Variants in PNPLA7 observed in about 807,000 individuals in gnomAD.
PNPLA7 encodes the protein patatin like domain 7, lysophospholipase, also known as patatin-like phospholipase domain-containing protein 7.
PNPLA7 carries 153 observed loss-of-function variants against 161.7 expected under a neutral mutation model. The ratio of observed to expected loss-of-function variants is 0.95; its 90% CI spans 0.83 to 1.08. The LOEUF (loss-of-function observed/expected upper bound fraction) is 1.08. Among genes scored for constraint, PNPLA7 ranks in the 50% least tolerant of loss-of-function variants. PNPLA7 has a pLI of 0.00. For synonymous variants in PNPLA7, 809 were observed against 782.1 expected (o/e 1.03, Z -0.57); for missense variants, 1,739 against 1,856.6 (o/e 0.94, Z 1.16).
rs921842878 is a variant in PNPLA7, at chr9:137,537,807, T to C, written c.747+2835A>G. Among the ~76,000 whole-genome samples, 6 of 151,052 alleles carry C rather than the reference T, an allele frequency of 4.0e-5. No homozygotes were observed. The highest frequency in any genetic ancestry group is 3.3e-4 in the Admixed American group (5 of 15,180). ...TGTGATAAGTGAGGCCCAACCTGAA[T>C]ATCACAACAAGATCAAGATCAGAAA... On this transcript the variant is annotated intron_variant, in intron 8 of 34. Transcript: ENST00000406427. The surrounding 1 kb of genome is among the most constrained non-coding windows in gnomAD (Gnocchi z 4.5).
chr9:137,530,130 A>G (rs1835512631), intron 8 of PNPLA7, among the ~76,000 whole-genome samples: 1 of 151,344 alleles, frequency 6.6e-6, no homozygotes, highest in Non-Finnish European at 1.5e-5. Context: ...ACACCCAGCT[A>G]ATTTTTTTGT....
At position 137,486,659 on chromosome 9, in the gene PNPLA7, C is replaced by T. The variant is rs7849995; in HGVS notation, c.2198-1923G>A. ...ACCCGACCCACCAAAGCTCAGTCCC[C>T]GCCCTCAGTCCAACTCAGCACCGGG... On this transcript the variant is annotated intron_variant, in intron 20 of 34. Transcript: ENST00000406427. The surrounding 1 kb of genome is among the most constrained non-coding windows in gnomAD (Gnocchi z 6.0). Among the ~76,000 whole-genome samples, 2,722 of 152,218 alleles carry T rather than the reference C, an allele frequency of 0.018. 88 individuals are homozygous for T. The highest frequency in any genetic ancestry group is 0.062 in the African/African-American group (2,584 of 41,518).
chr9:137,494,638 A>ACCCTCACCTGCTCCGCG (rs1454657500), intron 19 of PNPLA7, among the ~76,000 whole-genome samples: 47 of 107,610 alleles, frequency 4.4e-4, no homozygotes, highest in Non-Finnish European at 6.9e-4. Flanking sequence ...TCCACTCCGC[A>ACCCTCACCTGCTCCGCG]CCCTCACCTG....
intron 14 of PNPLA7, 82 bp downstream of exon 14, chr9:137,505,532 G>A (rs1453292725): frequency 1.0e-5 from 16 of 1,533,468 alleles, no homozygotes; most frequent in South Asian, 2.4e-5. Context: ...CTCCACACCT[G>A]GAACCACTGC....
At chr9:137,501,406 G>A (rs1833407107) in intron 15 of PNPLA7, among the ~76,000 whole-genome samples, 1 of 152,210 alleles carries the variant, frequency 6.6e-6, no homozygotes, top group South Asian at 2.1e-4. Flanking sequence ...CAATCTGCTT[G>A]CCCGGCCCAC....
At chr9:137,509,750 G>A (rs1210440044) in intron 12 of PNPLA7, 1 of 455,800 alleles carries the variant, frequency 2.2e-6, no homozygotes, top group Non-Finnish European at 4.4e-6. Context: ...AGGCTGAGGA[G>A]TAGACGCTGG....
rs758823328 is a variant in PNPLA7 at position 137,500,922 on chromosome 9, C to A, written c.1552-26G>T. The A allele has an allele frequency of 6.5e-7, 1 of 1,541,514 alleles. No homozygotes were observed. Among genetic ancestry groups the A allele is most frequent in the Non-Finnish European group, 8.7e-7 (1 of 1,147,262 alleles). On this transcript the variant is annotated intron_variant, in intron 15 of 34. Coordinates refer to ENST00000406427, the MANE Select transcript of PNPLA7 (RefSeq NM_001098537.3). The surrounding 1 kb of genome is among the most constrained non-coding windows in gnomAD (Gnocchi z 5.5). Reference sequence around the variant, plus strand: ...CTGACACACGAGAGGGCTCAGGAGGCGCCGCGAGTGGCCGCGGGCAGGACG... The same window carrying A: ...CTGACACACGAGAGGGCTCAGGAGGAGCCGCGAGTGGCCGCGGGCAGGACG...
rs1193305913 is a variant in PNPLA7 at position 137,523,885 on chromosome 9, C to G, written c.748-1028G>C. Among the ~76,000 whole-genome samples the G allele has an allele frequency of 6.6e-6, 1 of 152,176 alleles. No individual in the cohort carries two copies. Among genetic ancestry groups the G allele is most frequent in the African/African-American group, 2.4e-5 (1 of 41,444 alleles). ...GACCTCGTGATCCGCCCACCTCGGC[C>G]TCCCAAAGTGCTGGGATTACCGGCG... On this transcript the variant is annotated intron_variant, in intron 8 of 34. Transcript: ENST00000406427. This position sits in a 1 kb window ranked among gnomAD's most constrained non-coding sequence, Gnocchi z 4.4.
intron 12 of PNPLA7, among the ~76,000 whole-genome samples, chr9:137,506,358 A>C (rs374084812): frequency 6.6e-6 from 1 of 152,180 alleles, no homozygotes; most frequent in Non-Finnish European, 1.5e-5. Flanking sequence ...TCGGTACCTA[A>C]AACACGGAAG....
chr9:137,478,389 G>C (rs1438220712), intron 24 of PNPLA7: 1 of 376,384 alleles, frequency 2.7e-6, no homozygotes, highest in East Asian at 3.8e-5. Context: ...ACGTGGGCAA[G>C]AGAGTGGGCC....
At position 137,468,859 on chromosome 9, in the gene PNPLA7, G is replaced by A. The variant is rs1343122981; in HGVS notation, c.2883-1386C>T. On this transcript the variant is annotated intron_variant, in intron 25 of 34. Coordinates refer to ENST00000406427, the MANE Select transcript of PNPLA7 (RefSeq NM_001098537.3). The surrounding 1 kb of genome is among the most constrained non-coding windows in gnomAD (Gnocchi z 4.0). The stretch of plus-strand genomic sequence containing the variant: ...ATACTTAATTGGATACTCAAAAATG[G>A]TTAAGTGGTAAATTTTATGTTATGT... 6.6e-6 allele frequency among the ~76,000 whole-genome samples: 1 copy of A among 151,934 alleles called. No individual in the cohort carries two copies. Among genetic ancestry groups the A allele is most frequent in the African/African-American group, 2.4e-5 (1 of 41,338 alleles).
intron 29 of PNPLA7, 164 bp from the exon 30 acceptor site, chr9:137,462,997 C>A: frequency 1.1e-6 from 1 of 946,566 alleles, no homozygotes; most frequent in Middle Eastern, 3.0e-4. Flanking sequence ...CGATGGGCAG[C>A]TGTGGGCACA....
chr9:137,460,144 TTCACAGAGCTTCAGGGGCC>T lies in PNPLA7; in HGVS notation c.*230_*248del, dbSNP rs1249972174. On this transcript the variant is annotated 3_prime_UTR_variant, in exon 35 of 35. Coordinates refer to ENST00000406427, the MANE Select transcript of PNPLA7 (RefSeq NM_001098537.3). ...GGGGGCCTCACAGGGCTGCAGGGGG[TTCACAGAGCTTCAGGGGCC>T]TCACAGAGCTTCAGGGGCCTCACAG... 366 of 405,444 alleles carry T rather than the reference TTCACAGAGCTTCAGGGGCC, an allele frequency of 9.0e-4. 1 individual carries two copies. Among genetic ancestry groups the T allele is most frequent in the East Asian group, 3.9e-3 (87 of 22,506 alleles). 25.1% of individuals were successfully genotyped at this position (405,444 alleles called of 1,614,324 possible).
chr9:137,461,886 G>C, intron 32 of PNPLA7, 45 bp downstream of exon 32: 1 of 1,454,150 alleles, frequency 6.9e-7, no homozygotes, highest in Non-Finnish European at 9.2e-7. Flanking sequence ...CGAAGAACTG[G>C]GCGCGGTCCG....
chr9:137,502,803 C>A (rs958501374), intron 14 of PNPLA7, among the ~76,000 whole-genome samples: 10 of 112,748 alleles, frequency 8.9e-5, no homozygotes, highest in African/African-American at 3.5e-4. Flanking sequence ...GCACTGAACG[C>A]ACGGCTGAAG....
intron 14 of PNPLA7, among the ~76,000 whole-genome samples, chr9:137,503,935 GAAGAAGGAAGAAT>G (rs1833730613): frequency 2.0e-4 from 7 of 35,188 alleles, no homozygotes; most frequent in African/African-American, 4.8e-4. Context: ...GAAGGAAGAA[GAAGAAGGAAGAAT>G]GAAGAAGAAG....
chr9:137,521,319 G>A (rs1198505288), intron 10 of PNPLA7, among the ~76,000 whole-genome samples: 2 of 152,224 alleles, frequency 1.3e-5, no homozygotes, highest in East Asian at 1.9e-4. Context: ...GTTCACAACC[G>A]TGTGGGCCTC....
chr9:137,546,214 C>G (rs990020814), intron 4 of PNPLA7, among the ~76,000 whole-genome samples: 3 of 152,136 alleles, frequency 2.0e-5, no homozygotes, highest in Non-Finnish European at 2.9e-5. Context: ...CTCTCTCTGT[C>G]TCGGCTGCCA....
chr9:137,542,105 C>T (rs1002532721), intron 7 of PNPLA7, among the ~76,000 whole-genome samples: 1 of 152,110 alleles, frequency 6.6e-6, no homozygotes, highest in African/African-American at 2.4e-5. Flanking sequence ...GTTCAATGGA[C>T]CATGGCAAAT....
Sources: allele counts gnomAD v4.1 joint callset (sites outside exome capture counted in the v4.1 genomes callset), GRCh38; gene constraint gnomAD v4.1.1; non-coding constraint Gnocchi (gnomAD v3.1); transcripts MANE v1.5; gene names NCBI Gene and HGNC (gene_info 2026-07-23, HGNC 2026-07-21).